Variants in KIF1C observed in about 807,000 individuals in gnomAD.
KIF1C encodes kinesin family member 1C.
In KIF1C, 61 loss-of-function variants were observed where a neutral mutation model predicts 126.5. The ratio of observed to expected loss-of-function variants is 0.48; its 90% CI spans 0.39 to 0.60. The LOEUF is 0.60. Ranked by LOEUF, KIF1C falls within the 20% of genes least tolerant of loss-of-function variation. The probability of loss-of-function intolerance (pLI) is 0.00; values close to 1 mark genes in which losing one functional copy is unlikely to be tolerated. For missense variants in KIF1C, 1,315 were observed against 1,489.2 expected (o/e 0.88, Z 1.93); for synonymous variants, 640 against 580.6 (o/e 1.10, Z -1.47).
chr17:5,000,817 C>T lies in KIF1C; in HGVS notation c.152C>T (p.Thr51Ile), dbSNP rs771071450. ...AGCAAGGATGCCCCCAAAAGCTTCA[C>T]CTTTGACTACTCCTACTGGTCACAC... is the stretch of plus-strand genomic sequence containing the variant. ...KQSKDAPKSF[T>I]FDYSYWSHTS... The change falls in exon 4 of 23, where the codon ACC becomes ATC. Residue 51 changes from threonine (T) to isoleucine (I), a missense_variant. Thr to Ile is a moderately conservative substitution (Grantham distance 89). This residue lies in a region of KIF1C where 874 missense variants were observed against 1,053.2 expected (regional missense o/e 0.83). Coordinates refer to ENST00000320785, the MANE Select transcript of KIF1C (RefSeq NM_006612.6). 1.4e-5 allele frequency: 22 copies of T among 1,613,952 alleles called. No individual in the cohort carries two copies. Among genetic ancestry groups the T allele is most frequent in the Middle Eastern group, 3.3e-4 (2 of 6,084 alleles).
intron 16 of KIF1C, among the ~76,000 whole-genome samples, chr17:5,008,143 C>T (rs1974776996): frequency 6.6e-6 from 1 of 152,164 alleles, no homozygotes; most frequent in Admixed American, 6.5e-5. Context: ...ACGCCAGTGC[C>T]TGACACGTGC....
chr17:5,022,476 G>A lies in KIF1C; in HGVS notation c.2395G>A (p.Val799Met). 6.3e-7 allele frequency: 1 copy of A among 1,586,632 alleles called. No homozygotes were observed. Among genetic ancestry groups the A allele is most frequent in the Non-Finnish European group, 8.6e-7 (1 of 1,165,226 alleles). ...CGGCCCCGGAGACGCCTGGAGGGCTGTGGCCCGGGATGTCTGGGACACTGT... is the reference window on the plus strand; with the variant it reads ...CGGCCCCGGAGACGCCTGGAGGGCTATGGCCCGGGATGTCTGGGACACTGT... Reference protein sequence around the residue: ...PDGPGDAWRAVARDVWDTVGE... With the variant: ...PDGPGDAWRAMARDVWDTVGE... Residue 799 changes from valine (V) to methionine (M), a missense_variant, in exon 22 of 23, where the codon GTG becomes ATG. By Grantham distance (21) the Val-to-Met change is conservative (BLOSUM62 1). This residue lies in a region of KIF1C where 441 missense variants were observed against 436.1 expected (regional missense o/e 1.01). Transcript: ENST00000320785. This position sits in a 1 kb window ranked among gnomAD's most constrained non-coding sequence, Gnocchi z 4.9.
chr17:5,025,879 G>A lies in KIF1C; in HGVS notation c.*1728G>A, dbSNP rs1456792451. On this transcript the variant is annotated 3_prime_UTR_variant, in exon 23 of 23. Transcript: ENST00000320785. The stretch of plus-strand genomic sequence containing the variant: ...TTTTAATGTTCTGGCTTGAGGCAGC[G>A]AGCCCTTGACTATGCCACATTGCCA... The A allele has an allele frequency of 6.6e-6, 1 of 152,184 alleles. No individual in the cohort carries two copies. The highest frequency in any genetic ancestry group is 1.5e-5 in the Non-Finnish European group (1 of 68,042). 9.4% of individuals were successfully genotyped at this position (152,184 alleles called of 1,614,324 possible).
intron 18 of KIF1C, among the ~76,000 whole-genome samples, chr17:5,018,339 A>C (rs1975021657): frequency 7.0e-6 from 1 of 141,926 alleles, no homozygotes; most frequent in African/African-American, 2.6e-5. Context: ...ATAGAATTAA[A>C]TGCCTTTTTC....
At position 5,020,727 on chromosome 17, in the gene KIF1C, C is replaced by T. The variant is rs371657542; in HGVS notation, c.1937+49C>T. ...CCCATGGCCGTCTAGGCCGTCCCTC[C>T]CGGGCCTCTGGGCCCGTGTCCTCCT... On this transcript the variant is annotated intron_variant, in intron 20 of 22. Coordinates refer to ENST00000320785, the MANE Select transcript of KIF1C (RefSeq NM_006612.6). The surrounding 1 kb of genome is among the most constrained non-coding windows in gnomAD (Gnocchi z 5.8). The T allele has an allele frequency of 1.2e-6, 2 of 1,609,692 alleles. No individual in the cohort carries two copies. The highest frequency in any genetic ancestry group is 1.3e-5 in the African/African-American group (1 of 74,756).
In KIF1C at chr17:5,027,384, C is replaced by G. The variant is rs991837711; in HGVS notation, c.*3233C>G. The G allele has an allele frequency of 6.6e-6, 1 of 152,250 alleles. No homozygotes were observed. The highest frequency in any genetic ancestry group is 1.5e-5 in the Non-Finnish European group (1 of 68,068). The allele number at this position is 152,250 out of a possible 1,614,324, so 9.4% of individuals were successfully genotyped here. ...ACCTCAGGTGATCCACCCGCCTCTG[C>G]CTCCCAAAATGTTGGGATTACAGGC... is the stretch of plus-strand genomic sequence containing the variant. On this transcript the variant is annotated 3_prime_UTR_variant, in exon 23 of 23. Transcript: ENST00000320785.
chr17:5,023,892 G>C lies in KIF1C; in HGVS notation c.3053G>C (p.Arg1018Pro). Reference sequence around the variant, plus strand: ...ACTCCCCATCCAGCCACCCCTGCCCGCCGGCCTCCGAGTCCCCGAAGGTCC... The same window carrying C: ...ACTCCCCATCCAGCCACCCCTGCCCCCCGGCCTCCGAGTCCCCGAAGGTCC... Reference protein sequence around the residue: ...EVTPHPATPARRPPSPRRSHH... With the variant: ...EVTPHPATPAPRPPSPRRSHH... The change falls in exon 23 of 23, where the codon CGC becomes CCC. Residue 1018 changes from arginine to proline, a missense_variant. By Grantham distance (103) the Arg-to-Pro change is moderately radical (BLOSUM62 -2). Transcript: ENST00000320785. The surrounding 1 kb of genome is among the most constrained non-coding windows in gnomAD (Gnocchi z 4.2). 3 of 1,545,764 alleles carry C rather than the reference G, an allele frequency of 1.9e-6. No homozygotes were observed. Among genetic ancestry groups the C allele is most frequent in the Non-Finnish European group, 2.6e-6 (3 of 1,145,982 alleles).
At chr17:5,009,429 C>T (rs374872578) in intron 16 of KIF1C, among the ~76,000 whole-genome samples, 2 of 151,902 alleles carry the variant, frequency 1.3e-5, no homozygotes, top group African/African-American at 4.8e-5. Context: ...CCACCCACTT[C>T]GGAGTCCCAA....
In KIF1C at chr17:5,024,532, CCTGTCCGT is replaced by C. The variant is rs1260056630; in HGVS notation, c.*387_*394del. On this transcript the variant is annotated 3_prime_UTR_variant, in exon 23 of 23. Transcript: ENST00000320785. ...AGAGTGAGGCAAGTTCTCCCCAGCCCCTGTCCGTCTGTCTGTCTGTCTGTGGTGGTTTC... is the reference window on the plus strand; with the variant it reads ...AGAGTGAGGCAAGTTCTCCCCAGCCCCTGTCTGTCTGTCTGTGGTGGTTTC... The C allele has an allele frequency of 5.0e-6, 1 of 199,482 alleles. No homozygotes were observed. The highest frequency in any genetic ancestry group is 1.0e-5 in the Non-Finnish European group (1 of 98,996). 12.4% of individuals were successfully genotyped at this position (199,482 alleles called of 1,614,324 possible). A position where few individuals can be genotyped will look rare whatever the true frequency, so the allele number is the denominator to read the frequency against.
At position 5,004,599 on chromosome 17, in the gene KIF1C, C is replaced by A. The variant is rs1974682451; in HGVS notation, c.973C>A (p.Leu325Met). 2 of 1,614,052 alleles carry A rather than the reference C, an allele frequency of 1.2e-6. No homozygotes were observed. Among genetic ancestry groups the A allele is most frequent in the Admixed American group, 1.7e-5 (1 of 60,008 alleles). ...CTCACGCACAGCCATGATTGCAGCCCTGAGCCCTGCTGACATCAATTACGA... is the reference window on the plus strand; with the variant it reads ...CTCACGCACAGCCATGATTGCAGCCATGAGCCCTGCTGACATCAATTACGA... ...GNSRTAMIAALSPADINYEET... is the reference protein window; with the variant it reads ...GNSRTAMIAAMSPADINYEET... Residue 325 changes from leucine (L) to methionine (M), a missense_variant, in exon 12 of 23, where the codon CTG becomes ATG. Transcript: ENST00000320785.
rs1974747638 is a variant in KIF1C, at chr17:5,006,923, A to G, written c.1174A>G (p.Thr392Ala). The change falls in exon 14 of 23, where the codon ACG becomes GCG. Residue 392 changes from threonine to alanine, a missense_variant. Physicochemically the swap from Thr to Ala is moderately conservative, Grantham distance 58 (BLOSUM62 0). Transcript: ENST00000320785. ...CTCTTTCTCCCTCCCAGGCCTGAAG[A>G]CGGAAGAAGGGAGTGTCAGAGGCGC... ...LSASALEGLK[T>A]EEGSVRGALP... 6.2e-7 allele frequency: 1 copy of G among 1,610,650 alleles called. No homozygotes were observed. The highest frequency in any genetic ancestry group is 8.5e-7 in the Non-Finnish European group (1 of 1,179,096).
rs572957858 is a variant in KIF1C, at chr17:5,020,419, C to G, written c.1751-73C>G. 3 of 1,441,850 alleles carry G rather than the reference C, an allele frequency of 2.1e-6. No homozygotes were observed. Among genetic ancestry groups the G allele is most frequent in the East Asian group, 2.3e-5 (1 of 43,210 alleles). The allele number at this position is 1,441,850 out of a possible 1,614,324, so 89.3% of individuals were successfully genotyped here. On this transcript the variant is annotated intron_variant, in intron 19 of 22. Transcript: ENST00000320785. The surrounding 1 kb of genome is among the most constrained non-coding windows in gnomAD (Gnocchi z 5.8). ...TGTCACAGCCCCTGTGCCAGATTCT[C>G]TATGCCTTGGGTGTAGGGATGGATT... is the stretch of plus-strand genomic sequence containing the variant.
At chr17:4,998,760 C>T (rs189668066) in intron 1 of KIF1C, among the ~76,000 whole-genome samples, 1 of 152,196 alleles carries the variant, frequency 6.6e-6, no homozygotes, top group East Asian at 1.9e-4. Context: ...TGAGGGGAGG[C>T]CCAGCGTGAC....
At chr17:5,016,644 C>T (rs1214946532) in intron 18 of KIF1C, among the ~76,000 whole-genome samples, 1 of 151,424 alleles carries the variant, frequency 6.6e-6, no homozygotes, top group Admixed American at 6.6e-5. Flanking sequence ...TGGCTCATGC[C>T]TGTAATCTTA....
chr17:5,003,325 A>G (rs1490414857), intron 8 of KIF1C, among the ~76,000 whole-genome samples: 2 of 151,978 alleles, frequency 1.3e-5, no homozygotes. Flanking sequence ...GGGATTACAG[A>G]TGTGAGCCAC....
At chr17:4,999,446 C>T (rs1974511153) in intron 1 of KIF1C, among the ~76,000 whole-genome samples, 1 of 151,784 alleles carries the variant, frequency 6.6e-6, no homozygotes, top group South Asian at 2.1e-4. Flanking sequence ...TGCTGTGTCT[C>T]TTCCTCCTTT....
At chr17:5,021,321 C>T (rs755213056) in intron 21 of KIF1C, among the ~76,000 whole-genome samples, 2 of 151,670 alleles carry the variant, frequency 1.3e-5, no homozygotes, top group Non-Finnish European at 1.5e-5. Context: ...TACAGGAGCC[C>T]GCCACCATGC....
chr17:5,002,082 C>T lies in KIF1C; in HGVS notation c.387C>T (p.Arg129=), dbSNP rs138692366. The T allele has an allele frequency of 8.7e-6, 14 of 1,613,982 alleles. No individual in the cohort carries two copies. Among genetic ancestry groups the T allele is most frequent in the East Asian group, 2.2e-5 (1 of 44,898 alleles). ...AGCTCTGTGAGGACCTCTTCTCTCG[C>T]GTTAGTGAGAACCAGAGTGCTCAGC... ...VPQLCEDLFS[R]VSENQSAQLS... is the part of the protein sequence containing the mutation. Residue 129 remains arginine (R), a synonymous_variant, in exon 6 of 23, where the codon CGC becomes CGT. Transcript: ENST00000320785.
Position 5,027,864 on chromosome 17 carries a change from T to G in KIF1C, c.*3713T>G, listed in dbSNP as rs545585821. ...GTACTGGCTCACACCTGTAGCTACT[T>G]GGGAGGCTGAGGTGGGAGGATCGCT... On this transcript the variant is annotated 3_prime_UTR_variant, in exon 23 of 23. Transcript: ENST00000320785. The G allele has an allele frequency of 6.6e-6, 1 of 152,232 alleles. No homozygotes were observed. The highest frequency in any genetic ancestry group is 1.9e-4 in the East Asian group (1 of 5,182). The allele number at this position is 152,232 out of a possible 1,614,324, so 9.4% of individuals were successfully genotyped here.
Sources: gnomAD v4.1 joint callset for allele counts (sites outside exome capture counted in the v4.1 genomes callset) on GRCh38, gnomAD v4.1.1 for gene constraint, gnomAD v4.1.1 regional missense constraint, Gnocchi (gnomAD v3.1) non-coding constraint, MANE v1.5 for transcripts, NCBI Gene and HGNC (gene_info 2026-07-23, HGNC 2026-07-21) for gene names.